COL21A1: variants seen among roughly 807,000 people sequenced by gnomAD.
COL21A1 encodes collagen alpha-1(XXI) chain.
A neutral mutation model predicts 137.9 loss-of-function variants in COL21A1; 149 were observed. The observed-to-expected ratio is 1.08, with a 90% CI of 0.95 to 1.24. The LOEUF (loss-of-function observed/expected upper bound fraction) is 1.24, where lower values mean the gene tolerates loss of function less well. Among genes scored for constraint, COL21A1 ranks in the 50% most tolerant of loss-of-function variants. The pLI is 0.00. For synonymous variants in COL21A1, 456 were observed against 391.5 expected (o/e 1.16, Z -1.95); for missense variants, 1,167 against 1,158.4 (o/e 1.01, Z -0.11).
At chr6:56,064,762 G>T (rs1396642094) in intron 23 of COL21A1, 140 bp from the exon 24 acceptor site, 1 of 511,240 alleles carries the variant, frequency 2.0e-6, no homozygotes, top group Non-Finnish European at 3.4e-6. Flanking sequence ...TTATGTGAGA[G>T]ATGGGAAAAT....
intron 1 of COL21A1, among the ~76,000 whole-genome samples, chr6:56,335,188 G>A (rs1009896684): frequency 1.3e-5 from 2 of 152,114 alleles, no homozygotes; most frequent in African/African-American, 4.8e-5. Flanking sequence ...CCACTGGTTG[G>A]TGCAGTCAGA....
chr6:56,183,289 C>G (rs1699225637), intron 1 of COL21A1, among the ~76,000 whole-genome samples: 2 of 152,000 alleles, frequency 1.3e-5, no homozygotes, highest in South Asian at 4.2e-4. Context: ...GCTTTTTAAG[C>G]CCAGCAGAAA....
At chr6:56,059,984 A>T (rs753201070) in intron 28 of COL21A1, 34 bp downstream of exon 28, 1 of 1,523,860 alleles carries the variant, frequency 6.6e-7, no homozygotes, top group Non-Finnish European at 8.9e-7. Context: ...AAGACTTTTT[A>T]AAATTCATTT....
rs1582418567 is a variant in COL21A1 at position 56,124,017 on chromosome 6, A to G, written c.1758+45T>C. On this transcript the variant is annotated intron_variant, in intron 16 of 29. Coordinates refer to ENST00000244728, the MANE Select transcript of COL21A1 (RefSeq NM_030820.4). ...TTTTTCTTATGTTTCCTCTCAAGAT[A>G]CAAAAATCTTTTTGTTTTGTCCTTT... 7.0e-6 allele frequency: 10 copies of G among 1,434,210 alleles called. No homozygotes were observed. The East Asian group carries it at 2.5e-4, about 37-fold the overall frequency. 88.8% of individuals were successfully genotyped at this position (1,434,210 alleles called of 1,614,324 possible).
At chr6:56,226,146 T>C (rs1781175425) in intron 1 of COL21A1, among the ~76,000 whole-genome samples, 1 of 152,078 alleles carries the variant, frequency 6.6e-6, no homozygotes, top group South Asian at 2.1e-4. Context: ...ATGTTACCAA[T>C]TGTTAATTCA....
chr6:56,182,995 G>C (rs1456797730), intron 1 of COL21A1, among the ~76,000 whole-genome samples: 1 of 152,082 alleles, frequency 6.6e-6, no homozygotes, highest in Non-Finnish European at 1.5e-5. Context: ...CTGAATATTA[G>C]CAAACATTTT....
chr6:56,184,789 T>C (rs1778156835), intron 1 of COL21A1, among the ~76,000 whole-genome samples: 1 of 152,178 alleles, frequency 6.6e-6, no homozygotes, highest in African/African-American at 2.4e-5. Flanking sequence ...TTTGCGGAAA[T>C]GCTTTTTATT....
In COL21A1 at chr6:56,357,955, G is replaced by A. The variant is rs528396838; in HGVS notation, c.-39+36016C>T. Among the ~76,000 whole-genome samples the A allele has an allele frequency of 9.5e-4, 144 of 152,244 alleles. 1 individual carries two copies. The highest frequency in any genetic ancestry group is 3.3e-3 in the African/African-American group (136 of 41,546). ...TGAAGATAGACTGAATGCAAAAAAC[G>A]TTTAGAAATACCTCAATTTCTTCGT... is the stretch of plus-strand genomic sequence containing the variant. On this transcript the variant is annotated intron_variant, in intron 1 of 28. Transcript: ENST00000370819.
At chr6:56,344,222 G>GT (rs1275209176) in intron 1 of COL21A1, among the ~76,000 whole-genome samples, 1 of 152,148 alleles carries the variant, frequency 6.6e-6, no homozygotes, top group Non-Finnish European at 1.5e-5. Context: ...TTTACCCACA[G>GT]TATGCCTGCC....
intron 10 of COL21A1, among the ~76,000 whole-genome samples, chr6:56,155,294 C>T (rs989320666): frequency 1.3e-5 from 2 of 152,152 alleles, no homozygotes; most frequent in African/African-American, 4.8e-5. Context: ...TATAAAAAGC[C>T]TCAGCACATT....
chr6:56,214,598 T>C (rs1041664942), intron 1 of COL21A1, among the ~76,000 whole-genome samples: 2 of 151,756 alleles, frequency 1.3e-5, no homozygotes, highest in Non-Finnish European at 2.9e-5. Context: ...TACTGAATCA[T>C]GATAACCAAA....
At chr6:56,348,220 A>G (rs1765636511) in intron 1 of COL21A1, among the ~76,000 whole-genome samples, 2 of 152,184 alleles carry the variant, frequency 1.3e-5, no homozygotes, top group South Asian at 4.1e-4. Context: ...TAAGAAGCTA[A>G]GAGTCCAGAG....
chr6:56,150,376 G>T (rs1775201758), intron 10 of COL21A1, among the ~76,000 whole-genome samples: 1 of 152,092 alleles, frequency 6.6e-6, no homozygotes, highest in African/African-American at 2.4e-5. Flanking sequence ...AAATTAGCAG[G>T]GCGTGGTGGC....
At chr6:56,129,024 T>C (rs755959123) in intron 12 of COL21A1, among the ~76,000 whole-genome samples, 2 of 152,216 alleles carry the variant, frequency 1.3e-5, no homozygotes, top group Non-Finnish European at 2.9e-5. Flanking sequence ...CAGCTTTCTC[T>C]TCTCCAGAAA....
intron 16 of COL21A1, among the ~76,000 whole-genome samples, chr6:56,121,891 G>A (rs1473147380): frequency 6.6e-6 from 1 of 151,480 alleles, no homozygotes; most frequent in Non-Finnish European, 1.5e-5. Context: ...TTTACAAACA[G>A]ACAAGACAGA....
rs1372101480 is a variant in COL21A1, at chr6:56,387,362, A to AT, written c.-39+6608_-39+6609insA. The stretch of plus-strand genomic sequence containing the variant: ...AGTCTGTGCAAGAGGAGGACAGAAC[A>AT]AGATGGCCAAATAGAACCCTTCAGC... On this transcript the variant is annotated intron_variant, in intron 1 of 28. Coordinates refer to the COL21A1 transcript ENST00000370819. 8.1e-4 allele frequency among the ~76,000 whole-genome samples: 123 copies of AT among 152,322 alleles called. 1 individual carries two copies. Among genetic ancestry groups the AT allele is most frequent in the African/African-American group, 2.9e-3 (119 of 41,578 alleles).
At chr6:56,210,039 T>G (rs1780058559) in intron 1 of COL21A1, among the ~76,000 whole-genome samples, 1 of 151,358 alleles carries the variant, frequency 6.6e-6, no homozygotes, top group Non-Finnish European at 1.5e-5. Flanking sequence ...TTCTCACTCA[T>G]AAGTAGGAGT....
intron 17 of COL21A1, among the ~76,000 whole-genome samples, chr6:56,078,586 G>A (rs926319944): frequency 6.6e-5 from 10 of 151,646 alleles, no homozygotes; most frequent in Non-Finnish European, 4.4e-5. Flanking sequence ...TTCTTCTATT[G>A]CAGGGAGAAT....
chr6:56,277,120 G>A (rs568077789), intron 1 of COL21A1, among the ~76,000 whole-genome samples: 2 of 151,968 alleles, frequency 1.3e-5, no homozygotes, highest in East Asian at 1.9e-4. Flanking sequence ...ACACCCAGCC[G>A]GTTGTTCAGT....
Sources: gnomAD v4.1 joint callset for allele counts (sites outside exome capture counted in the v4.1 genomes callset) on GRCh38, gnomAD v4.1.1 for gene constraint, MANE v1.5 for transcripts, NCBI Gene and HGNC (gene_info 2026-07-23, HGNC 2026-07-21) for gene names.